Variants in MIPOL1 observed in about 807,000 individuals in gnomAD.
MIPOL1 encodes mirror-image polydactyly gene 1 protein.
A neutral mutation model predicts 60.9 loss-of-function variants in MIPOL1; 57 were observed. The ratio of observed to expected loss-of-function variants is 0.94; its 90% CI spans 0.76 to 1.17. The LOEUF (loss-of-function observed/expected upper bound fraction) is 1.17, where lower values mean the gene tolerates loss of function less well. Ranked by LOEUF, MIPOL1 falls within the 50% of genes most tolerant of loss-of-function variation. The pLI, the probability that MIPOL1 is intolerant of heterozygous loss-of-function variation, is 0.00. For synonymous variants in MIPOL1, 179 were observed against 168.8 expected, an observed-to-expected ratio of 1.06 and a Z score of -0.47; for missense variants, 551 against 511.6, an observed-to-expected ratio of 1.08 and a Z score of -0.74.
chr14:37,503,693 A>T (rs949314597), intron 12 of MIPOL1: 3 of 152,222 alleles, frequency 2.0e-5, no homozygotes, highest in Non-Finnish European at 4.4e-5. Context: ...AAAAAACTGC[A>T]TCAATTTACG....
chr14:37,407,845 C>CTTTTTTT (rs35133543), intron 10 of MIPOL1, among the ~76,000 whole-genome samples: 1 of 88,794 alleles, frequency 1.1e-5, no homozygotes, highest in African/African-American at 4.5e-5. Context: ...TCTTCTTCTT[C>CTTTTTTT]TTTTTTTTTT....
intron 1 of MIPOL1, among the ~76,000 whole-genome samples, chr14:37,214,537 A>G (rs559893243): frequency 6.6e-6 from 1 of 152,312 alleles, no homozygotes; most frequent in East Asian, 1.9e-4. Flanking sequence ...AAGAACATTT[A>G]TACTAGATAT....
At chr14:37,327,640 C>T (rs8013329) in intron 9 of MIPOL1, among the ~76,000 whole-genome samples, 147,569 of 152,330 alleles carry the variant, frequency 0.97, 71,554 homozygotes, top group East Asian at 1. Context: ...GTTTGTCTTC[C>T]ATTATAATGG....
intron 10 of MIPOL1, among the ~76,000 whole-genome samples, chr14:37,411,060 C>T (rs2093673668): frequency 6.6e-6 from 1 of 151,980 alleles, no homozygotes; most frequent in South Asian, 2.1e-4. Context: ...ATGCTGTTTA[C>T]AGGAGTCACA....
downstream of MIPOL1, chr14:37,552,207 GTTAAA>G (rs1165899956): frequency 6.6e-6 from 1 of 152,054 alleles, no homozygotes; most frequent in Non-Finnish European, 1.5e-5. Context: ...ACATTACTTT[GTTAAA>G]TTATTGTTTC....
chr14:37,285,185 G>T, intron 6 of MIPOL1, 133 bp from the exon 7 acceptor site: 1 of 853,104 alleles, frequency 1.2e-6, no homozygotes, highest in Non-Finnish European at 1.7e-6. Context: ...TTTATGAATT[G>T]ATTGATTGAT....
chr14:37,447,134 A>G (rs2094349836), intron 11 of MIPOL1, among the ~76,000 whole-genome samples: 1 of 152,038 alleles, frequency 6.6e-6, no homozygotes, highest in Admixed American at 6.6e-5. Context: ...TGGTCAGTTT[A>G]TCTTCAACAA....
chr14:37,387,862 A>G (rs1358288094), intron 10 of MIPOL1, among the ~76,000 whole-genome samples: 1 of 151,868 alleles, frequency 6.6e-6, no homozygotes, highest in Non-Finnish European at 1.5e-5. Context: ...ATGTAATTCT[A>G]AAGAGAAAAT....
intron 10 of MIPOL1, among the ~76,000 whole-genome samples, chr14:37,394,082 A>ATATATATATATC (rs1461974156): frequency 4.4e-5 from 6 of 136,336 alleles, no homozygotes; most frequent in Non-Finnish European, 9.4e-5. Flanking sequence ...ATATATATAT[A>ATATATATATATC]TATCTCCATG....
At chr14:37,335,720 A>G (rs1041185209) in intron 9 of MIPOL1, among the ~76,000 whole-genome samples, 4 of 152,092 alleles carry the variant, frequency 2.6e-5, no homozygotes, top group African/African-American at 9.6e-5. Flanking sequence ...CAATTTATAT[A>G]TTTTCATTGG....
At chr14:37,484,859 T>C (rs2094923987) in intron 11 of MIPOL1, among the ~76,000 whole-genome samples, 2 of 152,218 alleles carry the variant, frequency 1.3e-5, no homozygotes, top group South Asian at 2.1e-4. Context: ...TTTACTATTA[T>C]TGTACTTTAA....
chr14:37,264,603 G>A (rs1219324979), intron 3 of MIPOL1, among the ~76,000 whole-genome samples: 1 of 151,970 alleles, frequency 6.6e-6, no homozygotes, highest in East Asian at 1.9e-4. Context: ...ACTCCAACGT[G>A]GGTGACGGAG....
chr14:37,265,119 T>G (rs2082782291), intron 3 of MIPOL1: 1 of 152,220 alleles, frequency 6.6e-6, no homozygotes, highest in Non-Finnish European at 1.5e-5. Flanking sequence ...CTAAATTTAT[T>G]TCTTCTCCTC....
intron 9 of MIPOL1, among the ~76,000 whole-genome samples, chr14:37,344,353 C>T (rs940010522): frequency 2.6e-5 from 4 of 151,728 alleles, no homozygotes; most frequent in Middle Eastern, 3.5e-3. Flanking sequence ...GTTTTCTTTT[C>T]GAGTTTTCCA....
chr14:37,421,228 T>C (rs1955949), intron 10 of MIPOL1, among the ~76,000 whole-genome samples: 114,049 of 152,088 alleles, frequency 0.75, 43,045 homozygotes, highest in East Asian at 0.85. Context: ...GTTTTGGTTT[T>C]GTTTTCTGTG....
In MIPOL1 at chr14:37,364,722, A is replaced by G. The variant is rs763315973; in HGVS notation, c.829-4795A>G. Among the ~76,000 whole-genome samples the G allele has an allele frequency of 4.1e-4, 63 of 152,098 alleles. 2 individuals are homozygous for G. Among genetic ancestry groups the G allele is most frequent in the Admixed American group, 3.5e-3 (54 of 15,260 alleles). The stretch of plus-strand genomic sequence containing the variant: ...GTTCTTCTGAATCTCTTCTGGTTCC[A>G]TATACATTTTGGGATTGTTTTTTCT... On this transcript the variant is annotated intron_variant, in intron 9 of 12. Transcript: ENST00000684589.
chr14:37,481,560 A>AC (rs1491233595), intron 11 of MIPOL1, among the ~76,000 whole-genome samples: 13 of 113,148 alleles, frequency 1.1e-4, no homozygotes, highest in Middle Eastern at 4.5e-3. Flanking sequence ...GACCCCCCCC[A>AC]ACACACACAC....
intron 7 of MIPOL1, among the ~76,000 whole-genome samples, chr14:37,306,243 A>G (rs187399232): frequency 1.3e-5 from 2 of 152,022 alleles, no homozygotes; most frequent in East Asian, 1.9e-4. Context: ...TAAATATTAC[A>G]TAGAAATTCC....
At chr14:37,540,390 C>T (rs2095524801) in intron 12 of MIPOL1, among the ~76,000 whole-genome samples, 1 of 152,074 alleles carries the variant, frequency 6.6e-6, no homozygotes. Flanking sequence ...TGTGTGTGTT[C>T]ATATTTATAT....
Sources: gnomAD v4.1 joint callset for allele counts (sites outside exome capture counted in the v4.1 genomes callset) on GRCh38, gnomAD v4.1.1 for gene constraint, MANE v1.5 for transcripts, NCBI Gene and HGNC (gene_info 2026-07-23, HGNC 2026-07-21) for gene names.